SAMD12: variants seen among roughly 807,000 people sequenced by gnomAD.
The protein encoded by SAMD12 is sterile alpha motif domain containing 12, also known as sterile alpha motif domain-containing protein 12.
SAMD12 carries 9 observed loss-of-function variants against 15.0 expected under a neutral mutation model. The observed-to-expected ratio is 0.60, with a 90% CI of 0.36 to 1.05. SAMD12 has a LOEUF of 1.05. Among genes scored for constraint, SAMD12 ranks in the 50% least tolerant of loss-of-function variants. The probability of loss-of-function intolerance (pLI) is 0.01; values close to 1 mark genes in which losing one functional copy is unlikely to be tolerated. For synonymous variants in SAMD12, 86 were observed against 90.1 expected, an observed-to-expected ratio of 0.96 and a Z score of 0.25; for missense variants, 230 against 234.2, an observed-to-expected ratio of 0.98 and a Z score of 0.12.
chr8:118,167,079 ATCT>A, the SAMD12 span, among the ~76,000 whole-genome samples: 1 of 152,042 alleles, frequency 6.6e-6, no homozygotes, highest in Non-Finnish European at 1.5e-5. Context: ...CCTGCCTGTA[ATCT>A]TCTATGATGA....
intron 4 of SAMD12, among the ~76,000 whole-genome samples, chr8:118,219,399 T>G (rs930568493): frequency 6.6e-6 from 1 of 152,204 alleles, no homozygotes; most frequent in Non-Finnish European, 1.5e-5. Flanking sequence ...AATGACCTAT[T>G]CCATCTAGGT....
chr8:118,206,533 G>A (rs2129796968), intron 4 of SAMD12, among the ~76,000 whole-genome samples: 1 of 152,300 alleles, frequency 6.6e-6, no homozygotes, highest in South Asian at 2.1e-4. Flanking sequence ...CAAACAACAT[G>A]TATTGTATTA....
At chr8:118,555,126 G>T (rs1394782058) in intron 2 of SAMD12, among the ~76,000 whole-genome samples, 3 of 152,246 alleles carry the variant, frequency 2.0e-5, no homozygotes, top group Non-Finnish European at 1.5e-5. Flanking sequence ...ATCTGTTATT[G>T]GTTAGCAGAG....
At chr8:118,311,089 C>T (rs1190338491) in intron 4 of SAMD12, among the ~76,000 whole-genome samples, 1 of 152,218 alleles carries the variant, frequency 6.6e-6, no homozygotes, top group East Asian at 1.9e-4. Flanking sequence ...TTTACAAGTA[C>T]AAAGGTGAGG....
intron 2 of SAMD12, among the ~76,000 whole-genome samples, chr8:118,548,969 T>G (rs951659610): frequency 1.3e-5 from 2 of 152,094 alleles, no homozygotes; most frequent in Admixed American, 1.3e-4. Flanking sequence ...GCAGCCAGGC[T>G]GGGGGAGGGG....
At chr8:118,349,813 C>G (rs984937270) in intron 4 of SAMD12, among the ~76,000 whole-genome samples, 7 of 152,172 alleles carry the variant, frequency 4.6e-5, no homozygotes, top group African/African-American at 1.7e-4. Flanking sequence ...TTTCACAGTA[C>G]AGAGCACTTT....
chr8:118,302,554 A>G lies in SAMD12; in HGVS notation c.433+77006T>C, dbSNP rs115808669. 5.1e-3 allele frequency among the ~76,000 whole-genome samples: 773 copies of G among 152,326 alleles called. 5 individuals carry two copies. The highest frequency in any genetic ancestry group is 0.018 in the African/African-American group (737 of 41,590). Reference sequence around the variant, plus strand: ...CCATAATCCATGTCCTGGTTCTAAGAAAAGAGTCTCCTACAATCTCTTACT... The same window carrying G: ...CCATAATCCATGTCCTGGTTCTAAGGAAAGAGTCTCCTACAATCTCTTACT... On this transcript the variant is annotated intron_variant, in intron 4 of 4. Coordinates refer to the SAMD12 transcript ENST00000409003.
At chr8:118,191,756 T>TTCTCTCTCTC (rs1819380190) in exon 5 of SAMD12, 9 of 15,348 alleles carry the variant, frequency 5.9e-4, no homozygotes, top group African/African-American at 1.9e-3. Context: ...ATACTGGAGA[T>TTCTCTCTCTC]TATATATATA....
intron 3 of SAMD12, among the ~76,000 whole-genome samples, chr8:118,393,047 C>T (rs1159376539): frequency 1.3e-5 from 2 of 152,144 alleles, no homozygotes; most frequent in Non-Finnish European, 2.9e-5. Context: ...CAACAAAACA[C>T]TTACTTTTGG....
rs914996900 is a variant in SAMD12, at chr8:118,491,602, A to G, written c.193-51641T>C. On this transcript the variant is annotated intron_variant, in intron 2 of 3. Coordinates refer to ENST00000314727, the MANE Select transcript of SAMD12 (RefSeq NM_207506.3). ...CCTGAGGAGTTGCCTTATTTCTTCT[A>G]ATCAATCCCTACCCCTCAGAGTAAC... Among the ~76,000 whole-genome samples the G allele has an allele frequency of 7.9e-5, 12 of 152,250 alleles. No homozygotes were observed. In the East Asian group the frequency reaches 9.6e-4, roughly 12 times the overall value.
At chr8:118,371,403 A>G (rs558119636) in intron 4 of SAMD12, among the ~76,000 whole-genome samples, 1 of 152,184 alleles carries the variant, frequency 6.6e-6, no homozygotes, top group South Asian at 2.1e-4. Flanking sequence ...CTGAAGAGGA[A>G]TGAATTAACA....
intron 2 of SAMD12, among the ~76,000 whole-genome samples, chr8:118,532,315 G>T (rs567383935): frequency 6.6e-6 from 1 of 152,134 alleles, no homozygotes; most frequent in Non-Finnish European, 1.5e-5. Context: ...TAAGCTTTTC[G>T]ATATGCTCCT....
chr8:118,375,641 G>T (rs1819347915), downstream of SAMD12: 1 of 152,050 alleles, frequency 6.6e-6, no homozygotes, highest in Non-Finnish European at 1.5e-5. Flanking sequence ...AAATGTGTTA[G>T]GTACAGGATT....
At chr8:118,553,435 G>A (rs1826412957) in intron 2 of SAMD12, among the ~76,000 whole-genome samples, 1 of 152,158 alleles carries the variant, frequency 6.6e-6, no homozygotes, top group Non-Finnish European at 1.5e-5. Flanking sequence ...ATGGGGAAAG[G>A]ATTCCCTATT....
chr8:118,601,920 A>G (rs1211883781), intron 1 of SAMD12, among the ~76,000 whole-genome samples: 1 of 152,184 alleles, frequency 6.6e-6, no homozygotes, highest in Non-Finnish European at 1.5e-5. Context: ...AAAAAGACCT[A>G]TTCAGCAGAA....
chr8:118,319,786 C>G (rs1010851329), intron 4 of SAMD12, among the ~76,000 whole-genome samples: 76 of 152,194 alleles, frequency 5.0e-4, no homozygotes, highest in African/African-American at 1.5e-3. Context: ...AAGATAGATG[C>G]AGGAGAAAAG....
chr8:118,306,332 A>C (rs1266150139), intron 4 of SAMD12, among the ~76,000 whole-genome samples: 1 of 152,190 alleles, frequency 6.6e-6, no homozygotes, highest in Non-Finnish European at 1.5e-5. Context: ...ATGAATATTT[A>C]GCTGTGATTC....
intron 2 of SAMD12, among the ~76,000 whole-genome samples, chr8:118,441,530 C>T (rs1328183235): frequency 6.6e-6 from 1 of 151,866 alleles, no homozygotes; most frequent in East Asian, 1.9e-4. Flanking sequence ...CAATGCTGAT[C>T]ACTTTTTATT....
intron 3 of SAMD12, among the ~76,000 whole-genome samples, chr8:118,394,262 A>G (rs1324701618): frequency 6.6e-6 from 1 of 152,194 alleles, no homozygotes; most frequent in African/African-American, 2.4e-5. Context: ...ACATCTCTAC[A>G]CATGCTCAGC....
Sources: allele counts gnomAD v4.1 joint callset (sites outside exome capture counted in the v4.1 genomes callset), GRCh38; gene constraint gnomAD v4.1.1; transcripts MANE v1.5; gene names NCBI Gene and HGNC (gene_info 2026-07-23, HGNC 2026-07-21).